SRD5A2: variants seen among roughly 807,000 people sequenced by gnomAD.
SRD5A2 encodes the protein 3-oxo-5-alpha-steroid 4-dehydrogenase 2.
In SRD5A2, 30 loss-of-function variants were observed where a neutral mutation model predicts 27.4. That is an observed-to-expected ratio of 1.10 (90% CI 0.82 to 1.49). SRD5A2 has a LOEUF of 1.49. Ranked by LOEUF, SRD5A2 falls within the 40% of genes most tolerant of loss-of-function variation. SRD5A2 has a pLI of 0.00. For synonymous variants in SRD5A2, 141 were observed against 133.6 expected, an observed-to-expected ratio of 1.06 and a Z score of -0.38; for missense variants, 348 against 323.4, an observed-to-expected ratio of 1.08 and a Z score of -0.58.
At chr2:31,639,242 C>T in the SRD5A2 span, among the ~76,000 whole-genome samples, 1 of 151,980 alleles carries the variant, frequency 6.6e-6, no homozygotes, top group African/African-American at 2.4e-5. Context: ...CGCCCAACTC[C>T]CATATTTTTA....
chr2:31,629,397 G>C, the SRD5A2 span, among the ~76,000 whole-genome samples: 3 of 152,160 alleles, frequency 2.0e-5, no homozygotes, highest in Non-Finnish European at 2.9e-5. Flanking sequence ...ACCATGAAGG[G>C]ACCTCCAAAG....
the SRD5A2 span, among the ~76,000 whole-genome samples, chr2:31,612,467 G>C: frequency 6.6e-6 from 1 of 152,020 alleles, no homozygotes; most frequent in African/African-American, 2.4e-5. Context: ...TAGCCATAGA[G>C]CTGAAAGATT....
At chr2:31,661,848 A>C in the SRD5A2 span, among the ~76,000 whole-genome samples, 1 of 152,146 alleles carries the variant, frequency 6.6e-6, no homozygotes, top group Middle Eastern at 3.4e-3. Context: ...CTATTTTTCA[A>C]CCATTTTTTT....
rs945110605 is a variant in SRD5A2, at chr2:31,523,003, C to T, written c.*3193G>A. The T allele has an allele frequency of 2.3e-5, 5 of 220,280 alleles. No homozygotes were observed. Among genetic ancestry groups the T allele is most frequent in the Non-Finnish European group, 4.5e-5 (5 of 110,004 alleles). The allele number at this position is 220,280 out of a possible 1,614,324, so 13.6% of individuals were successfully genotyped here. On this transcript the variant is annotated 3_prime_UTR_variant, in exon 5 of 5. Transcript: ENST00000622030. The stretch of plus-strand genomic sequence containing the variant: ...AAACCACGGATTTATTTATTTGTTC[C>T]TGAAAGGGTCTAAGCCGCCTAAATA...
the SRD5A2 span, among the ~76,000 whole-genome samples, chr2:31,644,606 G>A: frequency 9.9e-5 from 15 of 152,180 alleles, no homozygotes; most frequent in South Asian, 2.1e-4. Flanking sequence ...GATGCTCTCT[G>A]GCCTGCGGCT....
chr2:31,645,487 G>A, the SRD5A2 span, among the ~76,000 whole-genome samples: 8 of 152,116 alleles, frequency 5.3e-5, no homozygotes, highest in African/African-American at 1.9e-4. Context: ...TCATCTATTT[G>A]TTATTTTTCT....
the SRD5A2 span, among the ~76,000 whole-genome samples, chr2:31,613,016 T>C: frequency 6.6e-6 from 1 of 152,068 alleles, no homozygotes; most frequent in Admixed American, 6.6e-5. Context: ...AAAAATTAAC[T>C]TAAAATGAAT....
At chr2:31,578,321 T>C (rs1422977663) in intron 1 of SRD5A2, among the ~76,000 whole-genome samples, 1 of 151,032 alleles carries the variant, frequency 6.6e-6, no homozygotes, top group Admixed American at 6.6e-5. Flanking sequence ...CCAACAAGTA[T>C]ACAACAGTTT....
upstream of SRD5A2, among the ~76,000 whole-genome samples, chr2:31,582,437 T>C (rs1242976956): frequency 6.6e-6 from 1 of 152,014 alleles, no homozygotes; most frequent in Non-Finnish European, 1.5e-5. Flanking sequence ...TTATAATTAA[T>C]GCTAATCATA....
chr2:31,565,674 C>T (rs1292514845), intron 1 of SRD5A2, among the ~76,000 whole-genome samples: 1 of 151,826 alleles, frequency 6.6e-6, no homozygotes, highest in Non-Finnish European at 1.5e-5. Flanking sequence ...AGTTCTGTCT[C>T]TATGCATGTA....
At chr2:31,634,947 G>A in the SRD5A2 span, among the ~76,000 whole-genome samples, 2 of 152,062 alleles carry the variant, frequency 1.3e-5, no homozygotes, top group African/African-American at 4.8e-5. Context: ...GATGGACACT[G>A]CTTGAATCTG....
intron 1 of SRD5A2, among the ~76,000 whole-genome samples, chr2:31,562,090 G>C (rs2148090005): frequency 6.6e-6 from 1 of 152,106 alleles, no homozygotes; most frequent in Non-Finnish European, 1.5e-5. Context: ...TTTCACTGTT[G>C]GATAAATACA....
chr2:31,593,003 C>T, the SRD5A2 span, among the ~76,000 whole-genome samples: 1 of 152,140 alleles, frequency 6.6e-6, no homozygotes, highest in African/African-American at 2.4e-5. Context: ...AGTAAACTAT[C>T]GCAAGGACAA....
the SRD5A2 span, among the ~76,000 whole-genome samples, chr2:31,655,366 G>C: frequency 6.6e-6 from 1 of 152,200 alleles, no homozygotes; most frequent in Non-Finnish European, 1.5e-5. Flanking sequence ...CTCCCAAAGT[G>C]CTGGGACTAC....
intron 4 of SRD5A2, 54 bp from the exon 5 acceptor site, chr2:31,526,316 T>C (rs747740535): frequency 9.3e-6 from 11 of 1,187,640 alleles, no homozygotes; most frequent in Admixed American, 5.9e-5. Context: ...GGCTGACAGC[T>C]GAGGTTTGCT....
Position 31,531,375 on chromosome 2 carries a change from T to C in SRD5A2, c.543A>G (p.Pro181=). 6.3e-7 allele frequency: 1 copy of C among 1,578,308 alleles called. No homozygotes were observed. Among genetic ancestry groups the C allele is most frequent in the Non-Finnish European group, 8.6e-7 (1 of 1,160,574 alleles). ...RKPGEISYRI[P]QGGLFTYVSG... ...TGGGGGCAGGGGAGACATTACCTTGTGGAATCCTGTAGCTGATTTCTCCAG... is the reference window on the plus strand; with the variant it reads ...TGGGGGCAGGGGAGACATTACCTTGCGGAATCCTGTAGCTGATTTCTCCAG... Residue 181 remains proline (P), a synonymous_variant, in exon 3 of 5, where the codon CCA becomes CCG. Coordinates refer to ENST00000622030, the MANE Select transcript of SRD5A2 (RefSeq NM_000348.4).
intron 1 of SRD5A2, among the ~76,000 whole-genome samples, chr2:31,569,833 G>A (rs1039833001): frequency 6.6e-6 from 1 of 152,012 alleles, no homozygotes; most frequent in Non-Finnish European, 1.5e-5. Context: ...CTTAGATTAG[G>A]CAAAAATTTT....
chr2:31,639,523 A>C, the SRD5A2 span, among the ~76,000 whole-genome samples: 1 of 152,148 alleles, frequency 6.6e-6, no homozygotes, highest in South Asian at 2.1e-4. Context: ...TTTTATACGA[A>C]AGGATTAGTG....
upstream of SRD5A2, among the ~76,000 whole-genome samples, chr2:31,584,723 T>C (rs1369170726): frequency 6.6e-6 from 1 of 152,150 alleles, no homozygotes; most frequent in African/African-American, 2.4e-5. Context: ...AAGAGATGTA[T>C]AGTACTATGG....
Sources: gnomAD v4.1 joint callset for allele counts (sites outside exome capture counted in the v4.1 genomes callset) on GRCh38, gnomAD v4.1.1 for gene constraint, MANE v1.5 for transcripts, NCBI Gene and HGNC (gene_info 2026-07-23, HGNC 2026-07-21) for gene names.